TMC7: variants seen among roughly 807,000 people sequenced by gnomAD.
The protein encoded by TMC7 is transmembrane channel like 7.
Under a neutral mutation model 82.9 loss-of-function variants are expected in TMC7, and 54 were observed. The observed-to-expected ratio is 0.65, with a 90% CI of 0.52 to 0.82. The LOEUF (loss-of-function observed/expected upper bound fraction) is 0.82. Ranked by LOEUF, TMC7 falls within the 40% of genes least tolerant of loss-of-function variation. TMC7 has a pLI of 0.00. For synonymous variants in TMC7, 350 were observed against 337.9 expected (o/e 1.04, Z -0.39); for missense variants, 820 against 901.2 (o/e 0.91, Z 1.15).
rs1959983255 is a variant in TMC7 at position 19,021,704 on chromosome 16, T to C, written c.536T>C (p.Leu179Pro). The C allele has an allele frequency of 6.2e-7, 1 of 1,614,058 alleles. No individual in the cohort carries two copies. The highest frequency in any genetic ancestry group is 8.5e-7 in the Non-Finnish European group (1 of 1,180,032). Residue 179 changes from leucine (L) to proline (P), a missense_variant, in exon 4 of 16, where the codon CTG becomes CCG. Transcript: ENST00000304381. ...FLVLLNLVIF[L>P]IIFMLVLLPV... is the part of the protein sequence containing the mutation. The stretch of plus-strand genomic sequence containing the variant: ...GTGTTGCTGAATTTGGTGATATTTC[T>C]GATCATCTTTATGCTGGTTTTGCTC...
intron 1 of TMC7, among the ~76,000 whole-genome samples, chr16:18,988,720 G>A (rs2038897146): frequency 6.6e-6 from 1 of 152,154 alleles, no homozygotes; most frequent in African/African-American, 2.4e-5. Flanking sequence ...TGCATGTGCC[G>A]TTGTGCCTAT....
chr16:19,056,562 G>C lies in TMC7; in HGVS notation c.1892G>C (p.Cys631Ser). The change falls in exon 14 of 16, where the codon TGT becomes TCT. Residue 631 changes from cysteine to serine, a missense_variant. By Grantham distance (112) the Cys-to-Ser change is moderately radical (BLOSUM62 -1). Around this residue, in one of 2 missense-constraint regions of TMC7, gnomAD observed 170 missense variants for 231.3 expected, o/e 0.74. Transcript: ENST00000304381. ...GGCAGCATCCCTTCCTCGAAAGCCT[G>C]TGGGCCGTTCACCAACTTCAACACC... ...SISRIPSSKA[C>S]GPFTNFNTTW... 1 of 1,614,060 alleles carries C rather than the reference G, an allele frequency of 6.2e-7. No individual in the cohort carries two copies. The highest frequency in any genetic ancestry group is 8.5e-7 in the Non-Finnish European group (1 of 1,179,978).
At position 19,051,717 on chromosome 16, in the gene TMC7, C is replaced by A; in HGVS notation, c.1772C>A (p.Pro591His). Residue 591 changes from proline to histidine, a missense_variant, in exon 13 of 16, where the codon CCC becomes CAC. Pro to His is a moderately conservative substitution (Grantham distance 77). Around this residue, in one of 2 missense-constraint regions of TMC7, gnomAD observed 170 missense variants for 231.3 expected, o/e 0.74. Coordinates refer to ENST00000304381, the MANE Select transcript of TMC7 (RefSeq NM_024847.4). ...WSLLYTCRPS[P>H]RPFRASNSNF... Reference sequence around the variant, plus strand: ...CTGCTTTACACCTGCAGACCCTCCCCCAGGCCGTTCAGAGCATCCAATTCT... The same window carrying A: ...CTGCTTTACACCTGCAGACCCTCCCACAGGCCGTTCAGAGCATCCAATTCT... 6.2e-7 allele frequency: 1 copy of A among 1,614,042 alleles called. No homozygotes were observed. The highest frequency in any genetic ancestry group is 8.5e-7 in the Non-Finnish European group (1 of 1,180,006).
At chr16:19,059,707 G>A (rs1567533191) in intron 15 of TMC7, 1 of 1,523,174 alleles carries the variant, frequency 6.6e-7, no homozygotes, top group Non-Finnish European at 8.8e-7. Context: ...GGGATGTGGT[G>A]GCTCATGCCT....
intron 1 of TMC7, among the ~76,000 whole-genome samples, chr16:18,997,854 C>T (rs945387923): frequency 6.6e-6 from 1 of 151,852 alleles, no homozygotes; most frequent in African/African-American, 2.4e-5. Context: ...CTCAGCATCC[C>T]GAGTAGCTGG....
At chr16:19,014,650 C>T (rs1390058162) in intron 2 of TMC7, among the ~76,000 whole-genome samples, 1 of 152,192 alleles carries the variant, frequency 6.6e-6, no homozygotes, top group African/African-American at 2.4e-5. Flanking sequence ...CCAACACCAA[C>T]TTGGACTTGG....
chr16:19,059,831 G>A (rs1961928115), intron 15 of TMC7: 1 of 644,966 alleles, frequency 1.6e-6, no homozygotes, highest in African/African-American at 1.8e-5. Context: ...ACAAAAAGTA[G>A]TTGGGCGTGG....
chr16:19,023,249 T>A, intron 5 of TMC7, 54 bp downstream of exon 5: 1 of 1,244,266 alleles, frequency 8.0e-7, no homozygotes, highest in Middle Eastern at 2.6e-4. Context: ...AAAAATTGAT[T>A]GATTTAAAGA....
At chr16:19,028,048 T>C (rs1960317674) in intron 5 of TMC7, among the ~76,000 whole-genome samples, 1 of 152,208 alleles carries the variant, frequency 6.6e-6, no homozygotes, top group South Asian at 2.1e-4. Flanking sequence ...TATGGATTTT[T>C]AGTGTTCTAG....
chr16:19,021,043 T>C (rs571691348), intron 3 of TMC7, among the ~76,000 whole-genome samples: 1 of 152,274 alleles, frequency 6.6e-6, no homozygotes, highest in African/African-American at 2.4e-5. Context: ...TCACTTCTCC[T>C]CAAATTGACC....
In TMC7 at chr16:19,016,495, G is replaced by A. The variant is rs1468467094; in HGVS notation, c.357G>A (p.Gln119=). The A allele has an allele frequency of 1.2e-6, 2 of 1,614,214 alleles. No individual in the cohort carries two copies. The highest frequency in any genetic ancestry group is 1.7e-5 in the Admixed American group (1 of 60,018). The stretch of plus-strand genomic sequence containing the variant: ...TGAAGTATCTCTCCGAATGGGACCA[G>A]TGGAAGCGGTATAGCAGCAAGTCTT... ...TQMKYLSEWD[Q]WKRYSSKSWK... Residue 119 remains glutamine, a synonymous_variant, in exon 3 of 16, where the codon CAG becomes CAA. Coordinates refer to ENST00000304381, the MANE Select transcript of TMC7 (RefSeq NM_024847.4).
chr16:19,061,131 G>A (rs1362295898), intron 15 of TMC7, among the ~76,000 whole-genome samples: 1 of 151,804 alleles, frequency 6.6e-6, no homozygotes, highest in Non-Finnish European at 1.5e-5. Context: ...AGCATCCCAA[G>A]TAGATGGGAT....
chr16:19,058,989 T>C (rs889181611), intron 14 of TMC7, among the ~76,000 whole-genome samples: 2 of 152,184 alleles, frequency 1.3e-5, no homozygotes, highest in African/African-American at 4.8e-5. Context: ...GGGATTCTCC[T>C]GTCTCAGCCT....
chr16:19,060,791 T>G (rs942424782), intron 15 of TMC7, among the ~76,000 whole-genome samples: 4 of 147,514 alleles, frequency 2.7e-5, no homozygotes, highest in Admixed American at 6.8e-5. Context: ...TACTGTGCAT[T>G]TTTTTTTTTT....
intron 3 of TMC7, among the ~76,000 whole-genome samples, chr16:19,020,093 G>GA (rs993855758): frequency 2.0e-5 from 3 of 151,614 alleles, no homozygotes; most frequent in Middle Eastern, 3.4e-3. Context: ...CAGAATAAAA[G>GA]AAAAAAAATA....
chr16:18,991,227 T>C (rs2038945522), intron 1 of TMC7, among the ~76,000 whole-genome samples: 1 of 152,144 alleles, frequency 6.6e-6, no homozygotes, highest in Non-Finnish European at 1.5e-5. Flanking sequence ...GGTGATGGCC[T>C]GGATATGGTT....
Position 19,051,858 on chromosome 16 carries a change from G to C in TMC7, c.1871+42G>C, listed in dbSNP as rs1596794764. ...TTTCTAGAACATTTCATTGCTTCTT[G>C]ACCTCTTCCTCTTTTATGTAAAAGC... is the stretch of plus-strand genomic sequence containing the variant. On this transcript the variant is annotated intron_variant, in intron 13 of 15. Coordinates refer to ENST00000304381, the MANE Select transcript of TMC7 (RefSeq NM_024847.4). 4.4e-6 allele frequency: 7 copies of C among 1,606,818 alleles called. No individual in the cohort carries two copies. The East Asian group carries it at 1.6e-4, about 36-fold the overall frequency.
At chr16:19,031,338 C>T (rs551168089) in intron 6 of TMC7, among the ~76,000 whole-genome samples, 21 of 152,276 alleles carry the variant, frequency 1.4e-4, no homozygotes, top group African/African-American at 4.8e-4. Context: ...CAGCACTGTG[C>T]GAGCACTTCA....
At chr16:19,038,607 C>T (rs527930380) in intron 8 of TMC7, among the ~76,000 whole-genome samples, 23 of 151,992 alleles carry the variant, frequency 1.5e-4, no homozygotes, top group African/African-American at 5.6e-4. Flanking sequence ...ACCTCCACCT[C>T]CCAGGTTCAA....
Sources: gnomAD v4.1 joint callset for allele counts (sites outside exome capture counted in the v4.1 genomes callset) on GRCh38, gnomAD v4.1.1 for gene constraint, gnomAD v4.1.1 regional missense constraint, MANE v1.5 for transcripts, NCBI Gene and HGNC (gene_info 2026-07-23, HGNC 2026-07-21) for gene names.